Variants in CACNA2D1 observed in about 807,000 individuals in gnomAD.
CACNA2D1 encodes voltage-dependent calcium channel subunit alpha-2/delta-1.
CACNA2D1 carries 53 observed loss-of-function variants against 171.5 expected under a neutral mutation model. The observed-to-expected ratio is 0.31, with a 90% confidence interval of 0.25 to 0.39. The LOEUF (loss-of-function observed/expected upper bound fraction) is 0.39. Among genes scored for constraint, CACNA2D1 ranks in the 10% least tolerant of loss-of-function variants. CACNA2D1 has a pLI of 1.00. For synonymous variants in CACNA2D1, 442 were observed against 443.1 expected (o/e 1.00, Z 0.03); for missense variants, 903 against 1,299.8 (o/e 0.69, Z 4.69).
chr7:81,968,866 GTATTTAATATT>G lies in CACNA2D1; in HGVS notation c.2395+10_2395+20del, dbSNP rs1346273690. ...AACATTTAATTTTGATTGTGTTTTT[GTATTTAATATT>G]TATCCTTACCTGCAGGTTTAAGAAG... On this transcript the variant is annotated intron_variant, in intron 29 of 38. Transcript: ENST00000356860. The G allele has an allele frequency of 2.5e-6, 3 of 1,178,746 alleles. No homozygotes were observed. Among genetic ancestry groups the G allele is most frequent in the Non-Finnish European group, 3.8e-6 (3 of 787,630 alleles). 73.0% of individuals were successfully genotyped at this position (1,178,746 alleles called of 1,614,324 possible). A position where few individuals can be genotyped will look rare whatever the true frequency, so the allele number is the denominator to read the frequency against.
intron 30 of CACNA2D1, 107 bp from the exon 31 acceptor site, chr7:81,967,314 A>C: frequency 1.0e-6 from 1 of 963,274 alleles, no homozygotes; most frequent in Non-Finnish European, 1.6e-6. Flanking sequence ...CCAGTAGAAA[A>C]ATAAGATTAA....
In CACNA2D1 at chr7:82,443,382, C is replaced by A; in HGVS notation, c.78G>T (p.Pro26=). 6.2e-7 allele frequency: 1 copy of A among 1,603,588 alleles called. No individual in the cohort carries two copies. Among genetic ancestry groups the A allele is most frequent in the Non-Finnish European group, 8.5e-7 (1 of 1,175,124 alleles). ...SLLIGPSSEE[P]FPSAVTIKSW... ...CGACTTACGTGACGGCCGAAGGGAACGGCTCCTCCGACGAGGGGCCGATGA... is the reference window on the plus strand; with the variant it reads ...CGACTTACGTGACGGCCGAAGGGAAAGGCTCCTCCGACGAGGGGCCGATGA... The change falls in exon 1 of 39, where the codon CCG becomes CCT. Residue 26 remains proline (P), a synonymous_variant. Transcript: ENST00000356860.
At chr7:82,409,089 TATTA>T (rs1344027356) in intron 1 of CACNA2D1, among the ~76,000 whole-genome samples, 2 of 151,984 alleles carry the variant, frequency 1.3e-5, no homozygotes, top group Non-Finnish European at 2.9e-5. Flanking sequence ...AGCTTTGAAA[TATTA>T]ATTATTTCTT....
intron 3 of CACNA2D1, among the ~76,000 whole-genome samples, chr7:82,188,309 C>A (rs1271894494): frequency 1.3e-5 from 2 of 151,494 alleles, no homozygotes; most frequent in Non-Finnish European, 2.9e-5. Context: ...AGGTAGGAAG[C>A]AAAAAAGGAA....
intron 1 of CACNA2D1, among the ~76,000 whole-genome samples, chr7:82,362,079 G>A (rs1821138856): frequency 6.6e-6 from 1 of 152,158 alleles, no homozygotes; most frequent in South Asian, 2.1e-4. Context: ...AAGCTCCGGT[G>A]AAAAGAGAAT....
At chr7:81,955,912 G>C (rs1380113407) in intron 38 of CACNA2D1, among the ~76,000 whole-genome samples, 3 of 110,758 alleles carry the variant, frequency 2.7e-5, no homozygotes, top group South Asian at 3.4e-4. Flanking sequence ...TGGTGGGGGG[G>C]GGGGGGGGTG....
At chr7:82,279,416 T>C (rs1440783661) in intron 3 of CACNA2D1, among the ~76,000 whole-genome samples, 3 of 152,166 alleles carry the variant, frequency 2.0e-5, no homozygotes, top group Non-Finnish European at 4.4e-5. Flanking sequence ...ATACTGCAAA[T>C]TAAGAGGCCA....
chr7:82,117,318 A>T (rs1194160336), intron 5 of CACNA2D1, 145 bp from the exon 6 acceptor site: 4 of 782,802 alleles, frequency 5.1e-6, no homozygotes, highest in Non-Finnish European at 6.3e-6. Flanking sequence ...ATAGCATTGG[A>T]TACACAAATT....
chr7:82,056,176 G>T (rs1805886164), intron 10 of CACNA2D1, among the ~76,000 whole-genome samples: 1 of 151,822 alleles, frequency 6.6e-6, no homozygotes, highest in Non-Finnish European at 1.5e-5. Flanking sequence ...GGATGTTTAG[G>T]GTTATTGAGG....
chr7:81,947,986 C>A lies in CACNA2D1; in HGVS notation c.*2406G>T, dbSNP rs1792171240. ...GATGGCAACAGAAATTAAATAGGAT[C>A]CTGCCAAGAGATGCCAAGTTTAACC... On this transcript the variant is annotated 3_prime_UTR_variant, in exon 39 of 39. Transcript: ENST00000356860. 6.6e-6 allele frequency: 1 copy of A among 151,698 alleles called. No homozygotes were observed. Among genetic ancestry groups the A allele is most frequent in the Admixed American group, 6.6e-5 (1 of 15,220 alleles). The allele number at this position is 151,698 out of a possible 1,614,324, so 9.4% of individuals were successfully genotyped here. A position where few individuals can be genotyped will look rare whatever the true frequency, so the allele number is the denominator to read the frequency against.
intron 3 of CACNA2D1, among the ~76,000 whole-genome samples, chr7:82,245,934 G>C (rs1804866852): frequency 6.6e-6 from 1 of 151,962 alleles, no homozygotes; most frequent in South Asian, 2.1e-4. Context: ...TGACTTCATA[G>C]TTATCAGTGA....
chr7:82,026,418 GTTT>G (rs1029381783), intron 12 of CACNA2D1, among the ~76,000 whole-genome samples: 1 of 151,522 alleles, frequency 6.6e-6, no homozygotes, highest in South Asian at 2.1e-4. Context: ...TTTAAAAAAA[GTTT>G]TTTTAAAAAG....
At position 82,238,474 on chromosome 7, in the gene CACNA2D1, GA is replaced by G. The variant is rs1418843064; in HGVS notation, c.295-67866del. Among the ~76,000 whole-genome samples the G allele has an allele frequency of 5.9e-5, 9 of 151,898 alleles. No homozygotes were observed. The East Asian group carries it at 1.7e-3, about 29-fold the overall frequency. On this transcript the variant is annotated intron_variant, in intron 3 of 38. Transcript: ENST00000356860. ...ACATATATACGGCCAACAATCATAT[GA>G]AAAAAAGTCCAAAATCACTAATCAT...
chr7:82,173,506 T>TTTTACCTAGC (rs1796253990), intron 3 of CACNA2D1, among the ~76,000 whole-genome samples: 2 of 152,026 alleles, frequency 1.3e-5, no homozygotes, highest in Non-Finnish European at 2.9e-5. Context: ...AAGAAATTAA[T>TTTTACCTAGC]AAATATTTTT....
At chr7:82,151,793 C>A (rs895026139) in intron 4 of CACNA2D1, among the ~76,000 whole-genome samples, 3 of 151,918 alleles carry the variant, frequency 2.0e-5, no homozygotes, top group Non-Finnish European at 2.9e-5. Context: ...CTTTCTAGCA[C>A]GTAAGAAACT....
chr7:81,958,832 G>A (rs977301254), intron 38 of CACNA2D1, among the ~76,000 whole-genome samples: 1 of 151,910 alleles, frequency 6.6e-6, no homozygotes, highest in Non-Finnish European at 1.5e-5. Context: ...ATAAGACAAT[G>A]GCTGTATAAC....
chr7:82,150,286 A>AAAAAAAAAAAAAC (rs1793705699), intron 4 of CACNA2D1, among the ~76,000 whole-genome samples: 1 of 142,682 alleles, frequency 7.0e-6, no homozygotes, highest in Non-Finnish European at 1.5e-5. Context: ...CAACAACAAA[A>AAAAAAAAAAAAAC]AAAAACACCC....
At position 81,968,667 on chromosome 7, in the gene CACNA2D1, ACT is replaced by A. The variant is rs3217084; in HGVS notation, c.2395+218_2395+219del. Among the ~76,000 whole-genome samples the A allele has an allele frequency of 1.5e-3, 234 of 151,470 alleles. 6 individuals are homozygous for A. The East Asian group carries it at 0.041, about 27-fold the overall frequency. ...TTTGTGTCAGAGTATAAACATACACACTGTTTTGAAAATTCCTCAAATCTATG... is the reference window on the plus strand; with the variant it reads ...TTTGTGTCAGAGTATAAACATACACAGTTTTGAAAATTCCTCAAATCTATG... On this transcript the variant is annotated intron_variant, in intron 29 of 38. Transcript: ENST00000356860.
chr7:82,261,098 G>A (rs1459496567), intron 3 of CACNA2D1, among the ~76,000 whole-genome samples: 2 of 152,034 alleles, frequency 1.3e-5, no homozygotes, highest in African/African-American at 4.8e-5. Flanking sequence ...AGGATTACAG[G>A]TGCCCACCAG....
Sources: allele counts gnomAD v4.1 joint callset (sites outside exome capture counted in the v4.1 genomes callset), GRCh38; gene constraint gnomAD v4.1.1; transcripts MANE v1.5; gene names NCBI Gene and HGNC (gene_info 2026-07-23, HGNC 2026-07-21).